XIRP2: variants seen among roughly 807,000 people sequenced by gnomAD.
XIRP2 encodes the protein xin actin binding repeat containing 2, also known as xin actin-binding repeat-containing protein 2.
Under a neutral mutation model 277.0 loss-of-function variants are expected in XIRP2, and 236 were observed. The ratio of observed to expected loss-of-function variants is 0.85; its 90% confidence interval spans 0.77 to 0.95. The LOEUF (loss-of-function observed/expected upper bound fraction) is 0.95, where lower values mean the gene tolerates loss of function less well. Ranked by LOEUF, XIRP2 falls within the 40% of genes least tolerant of loss-of-function variation. XIRP2 has a pLI of 0.00. For synonymous variants in XIRP2, 1,490 were observed against 1,416.5 expected, an observed-to-expected ratio of 1.05 and a Z score of -1.17; for missense variants, 4,640 against 4,157.5, an observed-to-expected ratio of 1.12 and a Z score of -3.19.
At position 167,251,837 on chromosome 2, in the gene XIRP2, A is replaced by C. The variant is rs1695515612; in HGVS notation, c.10445A>C (p.Lys3482Thr). The stretch of plus-strand genomic sequence containing the variant: ...AAAGAAGTAAGAAAAAATTTTCAAA[A>C]GACGTGGCAAGAGAGTGGAAGAGTT... ...SPKEVRKNFQ[K>T]TWQESGRVFK... Residue 3482 changes from lysine to threonine, a missense_variant, in exon 9 of 11, where the codon AAG (lysine) becomes ACG (threonine). Physicochemically the swap from Lys to Thr is moderately conservative, Grantham distance 78 (BLOSUM62 -1). Transcript: ENST00000409195. 2 of 1,613,230 alleles carry C rather than the reference A, an allele frequency of 1.2e-6. No homozygotes were observed. Among genetic ancestry groups the C allele is most frequent in the East Asian group, 4.5e-5 (2 of 44,836 alleles).
chr2:166,911,659 T>A (rs1160855058), intron 2 of XIRP2, among the ~76,000 whole-genome samples: 1 of 152,218 alleles, frequency 6.6e-6, no homozygotes, highest in African/African-American at 2.4e-5. Context: ...ATTATGATGT[T>A]AGCTGGTTAT....
intron 2 of XIRP2, among the ~76,000 whole-genome samples, chr2:167,009,152 T>C (rs534945952): frequency 6.6e-6 from 1 of 151,800 alleles, no homozygotes; most frequent in South Asian, 2.1e-4. Flanking sequence ...CCTGCTGGTG[T>C]GCTGCATCCA....
chr2:166,978,838 A>G (rs1574132038), intron 2 of XIRP2, among the ~76,000 whole-genome samples: 1 of 152,186 alleles, frequency 6.6e-6, no homozygotes, highest in Admixed American at 6.6e-5. Flanking sequence ...AAACTAGCCA[A>G]GTGTGTTGGC....
At chr2:167,033,580 A>G (rs951709024) in intron 2 of XIRP2, among the ~76,000 whole-genome samples, 3 of 152,140 alleles carry the variant, frequency 2.0e-5, no homozygotes, top group Admixed American at 6.6e-5. Flanking sequence ...TAATAATCAA[A>G]CTTCCAAAGT....
At chr2:167,029,438 C>T (rs945220802) in intron 2 of XIRP2, among the ~76,000 whole-genome samples, 12 of 151,982 alleles carry the variant, frequency 7.9e-5, no homozygotes, top group African/African-American at 2.9e-4. Context: ...TTATCGAACG[C>T]CTTTTCTGCA....
chr2:166,941,656 T>C (rs1025990075), intron 2 of XIRP2, among the ~76,000 whole-genome samples: 2 of 152,242 alleles, frequency 1.3e-5, no homozygotes, highest in Non-Finnish European at 2.9e-5. Flanking sequence ...TATAATATTT[T>C]AATGATTTCT....
chr2:167,211,601 AT>A (rs1415758384), intron 4 of XIRP2, among the ~76,000 whole-genome samples: 1 of 152,166 alleles, frequency 6.6e-6, no homozygotes, highest in Non-Finnish European at 1.5e-5. Flanking sequence ...TTAATTTCAA[AT>A]TTTAATAACA....
Position 167,246,805 on chromosome 2 carries a change from G to A in XIRP2, c.5413G>A (p.Glu1805Lys). ...GTCTCTGGTTGAACGTACTGTTAGT[G>A]AAACTGACATCATCCCTGGAGATGT... Reference protein sequence around the residue: ...RQSLVERTVSETDIIPGDVHN... With the variant: ...RQSLVERTVSKTDIIPGDVHN... The change falls in exon 9 of 11, where the codon GAA (glutamate) becomes AAA (lysine). Residue 1805 changes from glutamate to lysine, a missense_variant. Physicochemically the swap from Glu to Lys is moderately conservative, Grantham distance 56 (BLOSUM62 1). Coordinates refer to ENST00000409195, the MANE Select transcript of XIRP2 (RefSeq NM_152381.6). 1 of 1,613,860 alleles carries A rather than the reference G, an allele frequency of 6.2e-7. No individual in the cohort carries two copies. Among genetic ancestry groups the A allele is most frequent in the African/African-American group, 1.3e-5 (1 of 75,008 alleles).
At chr2:167,127,604 A>G (rs1242173505) in intron 2 of XIRP2, among the ~76,000 whole-genome samples, 1 of 152,000 alleles carries the variant, frequency 6.6e-6, no homozygotes, top group African/African-American at 2.4e-5. Flanking sequence ...TGAGACTACC[A>G]CCTTATTGCT....
chr2:167,185,239 G>T (rs967661271), intron 3 of XIRP2, among the ~76,000 whole-genome samples: 1 of 152,020 alleles, frequency 6.6e-6, no homozygotes, highest in African/African-American at 2.4e-5. Context: ...TGCTCCTGTA[G>T]ATTTAACATT....
intron 2 of XIRP2, among the ~76,000 whole-genome samples, chr2:167,015,492 G>A (rs1687801460): frequency 2.6e-5 from 4 of 151,572 alleles, no homozygotes; most frequent in Non-Finnish European, 5.9e-5. Flanking sequence ...TCTATGGGAT[G>A]TAGGTTTCCT....
At chr2:166,891,537 A>C (rs1684105425) in intron 1 of XIRP2, among the ~76,000 whole-genome samples, 1 of 152,186 alleles carries the variant, frequency 6.6e-6, no homozygotes, top group African/African-American at 2.4e-5. Context: ...ATTTCTTTGA[A>C]TCTCTTAACT....
chr2:167,195,841 G>A (rs975663277), intron 3 of XIRP2, among the ~76,000 whole-genome samples: 11 of 152,182 alleles, frequency 7.2e-5, no homozygotes, highest in Admixed American at 2.6e-4. Context: ...TGTTGAAAGC[G>A]TCTGACTCTG....
intron 6 of XIRP2, 45 bp from the exon 7 acceptor site, chr2:167,240,619 T>A: frequency 6.5e-7 from 1 of 1,544,766 alleles, no homozygotes; most frequent in Non-Finnish European, 8.9e-7. Context: ...CTAAAATAAT[T>A]GACTTCTTAA....
At chr2:167,256,900 T>G (rs949394805) in intron 10 of XIRP2, among the ~76,000 whole-genome samples, 2 of 151,888 alleles carry the variant, frequency 1.3e-5, no homozygotes, top group Non-Finnish European at 2.9e-5. Flanking sequence ...TGCTCAATCT[T>G]GATTCTACTC....
intron 3 of XIRP2, among the ~76,000 whole-genome samples, chr2:167,146,876 G>A (rs1691878212): frequency 6.6e-6 from 1 of 152,112 alleles, no homozygotes; most frequent in Non-Finnish European, 1.5e-5. Flanking sequence ...AGAATTAAAA[G>A]AGAGAAGAGA....
intron 2 of XIRP2, among the ~76,000 whole-genome samples, chr2:167,066,777 C>T (rs1264026901): frequency 6.6e-6 from 1 of 151,998 alleles, no homozygotes; most frequent in Non-Finnish European, 1.5e-5. Context: ...GTGGCATATA[C>T]ACTTTATGGA....
At chr2:167,207,768 TTTATA>T (rs1693901535) in intron 3 of XIRP2, among the ~76,000 whole-genome samples, 1 of 152,184 alleles carries the variant, frequency 6.6e-6, no homozygotes, top group Non-Finnish European at 1.5e-5. Flanking sequence ...TATATGACTT[TTTATA>T]TTATATTGAA....
At chr2:167,231,917 G>A (rs1694770493) in intron 5 of XIRP2, among the ~76,000 whole-genome samples, 1 of 151,988 alleles carries the variant, frequency 6.6e-6, no homozygotes, top group South Asian at 2.1e-4. Flanking sequence ...AGCAACCAGA[G>A]TAAGTTTACC....
Sources: gnomAD v4.1 joint callset for allele counts (sites outside exome capture counted in the v4.1 genomes callset) on GRCh38, gnomAD v4.1.1 for gene constraint, MANE v1.5 for transcripts, NCBI Gene and HGNC (gene_info 2026-07-23, HGNC 2026-07-21) for gene names.